PHRF1: variants seen among roughly 807,000 people sequenced by gnomAD.
PHRF1 encodes the protein PHD and ring finger domains 1.
In PHRF1, 53 loss-of-function variants were observed where a neutral mutation model predicts 128.9. The ratio of observed to expected loss-of-function variants is 0.41; its 90% CI spans 0.33 to 0.52. The LOEUF is 0.52. Among genes scored for constraint, PHRF1 ranks in the 20% least tolerant of loss-of-function variants. The probability of loss-of-function intolerance (pLI) is 0.21; values close to 1 mark genes in which losing one functional copy is unlikely to be tolerated. For synonymous variants in PHRF1, 1,178 were observed against 980.6 expected, an observed-to-expected ratio of 1.20 and a Z score of -3.76; for missense variants, 2,503 against 2,284.5, an observed-to-expected ratio of 1.10 and a Z score of -1.95.
At chr11:583,921 A>G (rs1044272716) in intron 3 of PHRF1, among the ~76,000 whole-genome samples, 6 of 152,162 alleles carry the variant, frequency 3.9e-5, no homozygotes, top group Non-Finnish European at 8.8e-5. Context: ...CCTTTCCACT[A>G]CTTTCCTTCT....
intron 1 of PHRF1, among the ~76,000 whole-genome samples, chr11:579,332 C>T (rs1208025252): frequency 6.6e-6 from 1 of 151,692 alleles, no homozygotes; most frequent in East Asian, 1.9e-4. Context: ...AGAGAGTCTG[C>T]CTCCCTCTTT....
chr11:589,659 G>A (rs187646263), intron 4 of PHRF1, among the ~76,000 whole-genome samples: 5,102 of 152,338 alleles, frequency 0.033, 262 homozygotes, highest in African/African-American at 0.12. Flanking sequence ...CAAGATCTCG[G>A]ACTAGAAAGC....
chr11:605,767 T>C lies in PHRF1; in HGVS notation c.1454+43T>C, dbSNP rs59553365. 12,325 of 1,571,042 alleles carry C rather than the reference T, an allele frequency of 7.8e-3. 813 individuals are homozygous for C. The African/African-American group carries it at 0.14, about 18-fold the overall frequency. ...CTTCTGGGGAGGTGGGGGCAGCAGT[T>C]GGGCATCGGATGGGAGTTCTAGGGT... On this transcript the variant is annotated intron_variant, in intron 12 of 17. Coordinates refer to ENST00000264555, the MANE Select transcript of PHRF1 (RefSeq NM_001286581.2).
chr11:584,062 A>G (rs558065034), intron 3 of PHRF1, among the ~76,000 whole-genome samples: 13 of 152,178 alleles, frequency 8.5e-5, no homozygotes, highest in Non-Finnish European at 1.2e-4. Flanking sequence ...CCTGTTTGAG[A>G]CTGTTGGTAA....
rs747889799 is a variant in PHRF1 at position 609,225 on chromosome 11, C to G, written c.3769C>G (p.Leu1257Val). 2 of 1,610,472 alleles carry G rather than the reference C, an allele frequency of 1.2e-6. No homozygotes were observed. The highest frequency in any genetic ancestry group is 1.7e-5 in the Admixed American group (1 of 60,028). Residue 1257 changes from leucine (L) to valine (V), a missense_variant, in exon 14 of 18, where the codon CTG becomes GTG. Leu to Val is a conservative substitution (Grantham distance 32, BLOSUM62 1). Coordinates refer to ENST00000264555, the MANE Select transcript of PHRF1 (RefSeq NM_001286581.2). ...GGCAGCTGAGTGTGAGCCGGACGACCTGGACCTGGATTATGGCGACTCCGT... is the reference window on the plus strand; with the variant it reads ...GGCAGCTGAGTGTGAGCCGGACGACGTGGACCTGGATTATGGCGACTCCGT... ...EVAAECEPDDLDLDYGDSVEA... is the reference protein window; with the variant it reads ...EVAAECEPDDVDLDYGDSVEA...
chr11:593,453 T>C (rs936472), intron 6 of PHRF1, among the ~76,000 whole-genome samples: 62,011 of 152,162 alleles, frequency 0.41, 13,770 homozygotes, highest in African/African-American at 0.58. Flanking sequence ...GCACCGAGGA[T>C]GGGCTCCTGG....
Position 608,235 on chromosome 11 carries a change from G to GGCCTGGCT in PHRF1, c.2783_2790dup (p.Arg931TrpfsTer33). The GGCCTGGCT allele has an allele frequency of 6.2e-7, 1 of 1,609,948 alleles. No individual in the cohort carries two copies. The highest frequency in any genetic ancestry group is 8.5e-7 in the Non-Finnish European group (1 of 1,179,782). The stretch of plus-strand genomic sequence containing the variant: ...GCGAGAGGAGCCCACAGAGAGCCAG[G>GGCCTGGCT]GCCTGGCTGCCCGGCTGCGGAGGCC... On this transcript the variant is annotated frameshift_variant, in exon 14 of 18. Transcript: ENST00000264555. LOFTEE classifies it high-confidence loss of function.
intron 3 of PHRF1, among the ~76,000 whole-genome samples, chr11:585,648 C>T (rs796576574): frequency 4.2e-5 from 4 of 95,700 alleles, no homozygotes; most frequent in East Asian, 3.3e-4. Flanking sequence ...AGGTAGTAGC[C>T]CTTTCCAGCT....
chr11:593,784 C>T (rs1384942664), intron 6 of PHRF1, among the ~76,000 whole-genome samples: 10 of 152,232 alleles, frequency 6.6e-5, no homozygotes, highest in Non-Finnish European at 1.3e-4. Context: ...TTGGTCCTGC[C>T]CTCTGCTCCC....
Position 609,085 on chromosome 11 carries a change from A to G in PHRF1, c.3629A>G (p.Glu1210Gly). 1 of 1,602,336 alleles carries G rather than the reference A, an allele frequency of 6.2e-7. No homozygotes were observed. The highest frequency in any genetic ancestry group is 8.5e-7 in the Non-Finnish European group (1 of 1,175,142). ...TCCCCAGCGCCCCTTGCACAGGGGG[A>G]GCCAGGGCGGGAAGACCTCCCCACC... ...EASPAPLAQG[E>G]PGREDLPTRL... Residue 1210 changes from glutamate to glycine, a missense_variant, in exon 14 of 18, where the codon GAG becomes GGG. Coordinates refer to ENST00000264555, the MANE Select transcript of PHRF1 (RefSeq NM_001286581.2).
chr11:610,295 T>G lies in PHRF1; in HGVS notation c.4364T>G (p.Phe1455Cys). 1 of 1,564,164 alleles carries G rather than the reference T, an allele frequency of 6.4e-7. No homozygotes were observed. Among genetic ancestry groups the G allele is most frequent in the Non-Finnish European group, 8.7e-7 (1 of 1,154,400 alleles). Residue 1455 changes from phenylalanine to cysteine, a missense_variant, in exon 15 of 18, where the codon TTT becomes TGT. Phe to Cys is a radical substitution (Grantham distance 205). Transcript: ENST00000264555. ...GVRQVFSELP[F>C]PSHVLPEPGF... Reference sequence around the variant, plus strand: ...AGGCAGGTGTTCTCCGAGCTGCCCTTTCCCAGTCACGTGCTTCCGGAACCC... The same window carrying G: ...AGGCAGGTGTTCTCCGAGCTGCCCTGTCCCAGTCACGTGCTTCCGGAACCC...
chr11:605,100 T>C lies in PHRF1; in HGVS notation c.1153-19T>C, dbSNP rs761052108. 4.4e-6 allele frequency: 7 copies of C among 1,595,808 alleles called. No homozygotes were observed. The Admixed American group carries it at 1.0e-4, about 23-fold the overall frequency. The stretch of plus-strand genomic sequence containing the variant: ...ATCCCCGTCTCTCTGTTCATCTTTT[T>C]CTTTGTTACTGGATTCAGAGTGAAG... On this transcript the variant is annotated intron_variant, in intron 10 of 17. Transcript: ENST00000264555.
At chr11:605,404 G>A in intron 11 of PHRF1, 104 bp downstream of exon 11, 1 of 1,501,312 alleles carries the variant, frequency 6.7e-7, no homozygotes, top group Non-Finnish European at 9.0e-7. Context: ...TTTTGTGTTT[G>A]AGAGTGAGGG....
intron 6 of PHRF1, among the ~76,000 whole-genome samples, chr11:596,238 C>T (rs908840157): frequency 7.9e-5 from 12 of 152,166 alleles, no homozygotes; most frequent in Admixed American, 2.6e-4. Context: ...TGCATAGACT[C>T]CCGAGCCTCG....
Position 597,625 on chromosome 11 carries a change from T to TACA in PHRF1, c.894+55_894+56insACA. 7.5e-7 allele frequency: 1 copy of TACA among 1,341,856 alleles called. No individual in the cohort carries two copies. The highest frequency in any genetic ancestry group is 1.3e-5 in the South Asian group (1 of 79,872). 83.1% of individuals were successfully genotyped at this position (1,341,856 alleles called of 1,614,324 possible). A position where few individuals can be genotyped will look rare whatever the true frequency, so the allele number is the denominator to read the frequency against. ...AGAACCCCAGCTGCCCAGAGTGATCTCGGCAGTCTGGGTGGGTGGGAGGGG... is the reference window on the plus strand; with the variant it reads ...AGAACCCCAGCTGCCCAGAGTGATCTACACGGCAGTCTGGGTGGGTGGGAGGGG... On this transcript the variant is annotated intron_variant, in intron 8 of 17. Transcript: ENST00000264555. This position sits in a 1 kb window ranked among gnomAD's most constrained non-coding sequence, Gnocchi z 6.5.
At chr11:578,992 G>A (rs531091722) in intron 1 of PHRF1, among the ~76,000 whole-genome samples, 12 of 152,056 alleles carry the variant, frequency 7.9e-5, no homozygotes, top group Admixed American at 2.6e-4. Flanking sequence ...GGTGCACGCC[G>A]CCATGCCCGG....
intron 4 of PHRF1, among the ~76,000 whole-genome samples, chr11:588,783 A>G (rs1051965568): frequency 1.3e-5 from 2 of 152,130 alleles, no homozygotes; most frequent in African/African-American, 4.8e-5. Flanking sequence ...TCTGTCTGGC[A>G]TTTATTAGAT....
intron 1 of PHRF1, among the ~76,000 whole-genome samples, chr11:580,173 ACT>A (rs1854122879): frequency 6.6e-6 from 1 of 152,008 alleles, no homozygotes; most frequent in Non-Finnish European, 1.5e-5. Context: ...TTCCTGACTC[ACT>A]CTCCTAGGAC....
intron 3 of PHRF1, among the ~76,000 whole-genome samples, chr11:583,592 G>A (rs1359448509): frequency 6.6e-6 from 1 of 152,190 alleles, no homozygotes; most frequent in Non-Finnish European, 1.5e-5. Context: ...AGAGAACAAT[G>A]TTCCAAAGGG....
Sources: allele counts gnomAD v4.1 joint callset (sites outside exome capture counted in the v4.1 genomes callset), GRCh38; gene constraint gnomAD v4.1.1; non-coding constraint Gnocchi (gnomAD v3.1); transcripts MANE v1.5; gene names NCBI Gene and HGNC (gene_info 2026-07-23, HGNC 2026-07-21).